RASSF5: variants seen among roughly 807,000 people sequenced by gnomAD.
The protein encoded by RASSF5 is Ras association domain family member 5.
RASSF5 carries 25 observed loss-of-function variants against 40.5 expected under a neutral mutation model. The observed-to-expected ratio is 0.62, with a 90% CI of 0.45 to 0.86. The LOEUF (loss-of-function observed/expected upper bound fraction) is 0.86. Among genes scored for constraint, RASSF5 ranks in the 40% least tolerant of loss-of-function variants. RASSF5 has a pLI of 0.00. For synonymous variants in RASSF5, 246 were observed against 252.4 expected, an observed-to-expected ratio of 0.97 and a Z score of 0.24; for missense variants, 521 against 572.8, an observed-to-expected ratio of 0.91 and a Z score of 0.92.
intron 1 of RASSF5, among the ~76,000 whole-genome samples, chr1:206,524,426 T>C (rs1667029444): frequency 7.1e-6 from 1 of 141,490 alleles, no homozygotes; most frequent in South Asian, 2.1e-4. Flanking sequence ...TTATATATTA[T>C]AGATACCATA....
chr1:206,533,436 C>T (rs1667297582), intron 1 of RASSF5, among the ~76,000 whole-genome samples: 1 of 152,136 alleles, frequency 6.6e-6, no homozygotes, highest in African/African-American at 2.4e-5. Context: ...TTGAACTGGG[C>T]TTTCCCCAAA....
rs545894272 is a variant in RASSF5, at chr1:206,584,439, G to A, written c.743G>A (p.Arg248Gln). ...ATCAAAGTGCATCTGAAACTCCGGC[G>A]GCCTGTGACGGTGCCTGCTGGGATC... ...GFIKVHLKLR[R>Q]PVTVPAGIRP... The change falls in exon 4 of 6, where the codon CGG becomes CAG. Residue 248 changes from arginine to glutamine, a missense_variant. Arg to Gln is a conservative substitution (Grantham distance 43, BLOSUM62 1). Coordinates refer to ENST00000579436, the MANE Select transcript of RASSF5 (RefSeq NM_182663.4). This position sits in a 1 kb window ranked among gnomAD's most constrained non-coding sequence, Gnocchi z 4.9. The A allele has an allele frequency of 1.3e-4, 215 of 1,614,098 alleles. 1 individual carries two copies. In the East Asian group the frequency reaches 1.4e-3, roughly 10 times the overall value.
intron 2 of RASSF5, among the ~76,000 whole-genome samples, chr1:206,546,665 A>G (rs1222184008): frequency 3.9e-5 from 6 of 152,224 alleles, no homozygotes; most frequent in Non-Finnish European, 8.8e-5. Context: ...TCAAAAATGC[A>G]TTTAATACAC....
intron 1 of RASSF5, among the ~76,000 whole-genome samples, chr1:206,517,483 A>G (rs1012344562): frequency 5.9e-5 from 9 of 152,136 alleles, no homozygotes; most frequent in East Asian, 3.8e-4. Flanking sequence ...AAAAAAAAGA[A>G]AAAAGAACAA....
chr1:206,524,703 A>G (rs1391979706), intron 1 of RASSF5, among the ~76,000 whole-genome samples: 1 of 127,296 alleles, frequency 7.9e-6, no homozygotes. Flanking sequence ...ATTATATATT[A>G]TCTATATATA....
Position 206,535,661 on chromosome 1 carries a change from G to C in RASSF5, c.458-2511G>C, listed in dbSNP as rs1212059513. On this transcript the variant is annotated intron_variant, in intron 1 of 5. Coordinates refer to ENST00000579436, the MANE Select transcript of RASSF5 (RefSeq NM_182663.4). The surrounding 1 kb of genome is among the most constrained non-coding windows in gnomAD (Gnocchi z 5.0). ...GTCTTCTGCTACTTAGTGTTGTCCA[G>C]CTCAGCATGGTGATGTTTTCAGGGT... Among the ~76,000 whole-genome samples, 7 of 151,742 alleles carry C rather than the reference G, an allele frequency of 4.6e-5. No homozygotes were observed. Among genetic ancestry groups the C allele is most frequent in the African/African-American group, 1.5e-4 (6 of 41,256 alleles).
chr1:206,553,318 G>A (rs1294857831), intron 2 of RASSF5, among the ~76,000 whole-genome samples: 1 of 152,280 alleles, frequency 6.6e-6, no homozygotes, highest in Non-Finnish European at 1.5e-5. Context: ...AATCTGAATG[G>A]AAGTTGTTAT....
At chr1:206,573,478 G>A (rs1450157094) in intron 2 of RASSF5, among the ~76,000 whole-genome samples, 5 of 152,304 alleles carry the variant, frequency 3.3e-5, no homozygotes, top group South Asian at 2.1e-4. Context: ...AGACAGGCAC[G>A]GGTGCTTCTC....
intron 2 of RASSF5, among the ~76,000 whole-genome samples, chr1:206,549,880 GGGCGGTTCTTT>G (rs1667786884): frequency 6.6e-6 from 1 of 152,122 alleles, no homozygotes; most frequent in Non-Finnish European, 1.5e-5. Context: ...TAATCCTTTT[GGGCGGTTCTTT>G]CTCTAGCCTT....
At chr1:206,551,877 C>T (rs1353822437) in intron 2 of RASSF5, among the ~76,000 whole-genome samples, 4 of 152,210 alleles carry the variant, frequency 2.6e-5, no homozygotes, top group Non-Finnish European at 4.4e-5. Flanking sequence ...CCATGCTGCC[C>T]GGGATGTTGG....
At chr1:206,575,411 GT>G (rs1668602966) in intron 2 of RASSF5, among the ~76,000 whole-genome samples, 1 of 152,176 alleles carries the variant, frequency 6.6e-6, no homozygotes, top group Admixed American at 6.5e-5. Flanking sequence ...GGTATTTTTT[GT>G]TTTGTTTTCT....
chr1:206,542,500 G>C (rs1667571673), intron 2 of RASSF5: 1 of 152,156 alleles, frequency 6.6e-6, no homozygotes, highest in Non-Finnish European at 1.5e-5. Flanking sequence ...AGAACCCCAA[G>C]CCAAATAAAC....
rs369886284 is a variant in RASSF5 at position 206,511,795 on chromosome 1, G to T, written c.457+3736G>T. Among the ~76,000 whole-genome samples, 7 of 152,210 alleles carry T rather than the reference G, an allele frequency of 4.6e-5. No homozygotes were observed. In the East Asian group the frequency reaches 1.4e-3, roughly 29 times the overall value. On this transcript the variant is annotated intron_variant, in intron 1 of 5. Transcript: ENST00000579436. ...CTGGTCTCTCTAGTCTTGTTGCTAC[G>T]CTATTGGCTGGGTTCAGCTCCACTT...
intron 1 of RASSF5, among the ~76,000 whole-genome samples, chr1:206,512,040 C>T (rs967668053): frequency 6.6e-6 from 1 of 152,164 alleles, no homozygotes; most frequent in Admixed American, 6.5e-5. Flanking sequence ...AAGGTATTTG[C>T]GCACCCAGCA....
intron 2 of RASSF5, among the ~76,000 whole-genome samples, chr1:206,573,322 A>T (rs1668517933): frequency 6.6e-6 from 1 of 152,216 alleles, no homozygotes; most frequent in Non-Finnish European, 1.5e-5. Context: ...AAACTGAGGC[A>T]TATAGATTTT....
intron 1 of RASSF5, among the ~76,000 whole-genome samples, chr1:206,523,650 T>C (rs1279458369): frequency 1.0e-5 from 1 of 99,188 alleles, no homozygotes; most frequent in African/African-American, 4.1e-5. Context: ...TATAATATAT[T>C]TATATAAAAT....
At chr1:206,515,195 A>G (rs537717369) in intron 1 of RASSF5, among the ~76,000 whole-genome samples, 1 of 152,290 alleles carries the variant, frequency 6.6e-6, no homozygotes, top group African/African-American at 2.4e-5. Flanking sequence ...GAGGTACAGG[A>G]AAAAAAGGGA....
At chr1:206,557,728 G>A (rs201144366) in intron 2 of RASSF5, 4 of 1,606,700 alleles carry the variant, frequency 2.5e-6, no homozygotes, top group Non-Finnish European at 3.4e-6. Flanking sequence ...AGCCTTTCGT[G>A]GGGGGAAATA....
intron 2 of RASSF5, among the ~76,000 whole-genome samples, chr1:206,567,057 C>T (rs1668307848): frequency 1.3e-5 from 2 of 152,180 alleles, no homozygotes; most frequent in Non-Finnish European, 2.9e-5. Context: ...TTCCAGTTAT[C>T]AGGAAATGAA....
Sources: allele counts gnomAD v4.1 joint callset (sites outside exome capture counted in the v4.1 genomes callset), GRCh38; gene constraint gnomAD v4.1.1; non-coding constraint Gnocchi (gnomAD v3.1); transcripts MANE v1.5; gene names NCBI Gene and HGNC (gene_info 2026-07-23, HGNC 2026-07-21).